IQCH: variants seen among roughly 807,000 people sequenced by gnomAD.
IQCH encodes the protein IQ motif containing H.
Under a neutral mutation model 117.0 loss-of-function variants are expected in IQCH, and 98 were observed. The observed-to-expected ratio is 0.84, with a 90% CI of 0.71 to 0.99. The LOEUF (loss-of-function observed/expected upper bound fraction) is 0.99, where lower values mean the gene tolerates loss of function less well. Among genes scored for constraint, IQCH ranks in the 50% least tolerant of loss-of-function variants. The pLI is 0.00. For missense variants in IQCH, 1,102 were observed against 1,243.8 expected (o/e 0.89, Z 1.72); for synonymous variants, 412 against 448.2 (o/e 0.92, Z 1.02).
At chr15:67,327,482 A>G (rs1968462678) in intron 4 of IQCH, among the ~76,000 whole-genome samples, 1 of 152,148 alleles carries the variant, frequency 6.6e-6, no homozygotes, top group Non-Finnish European at 1.5e-5. Context: ...GCTCATTCTG[A>G]TATCAGAGTC....
At chr15:67,486,229 A>G (rs1201119620) in intron 18 of IQCH, among the ~76,000 whole-genome samples, 1 of 149,882 alleles carries the variant, frequency 6.7e-6, no homozygotes. Flanking sequence ...TAATAGAGAC[A>G]GCATTTCACC....
chr15:67,330,364 G>T (rs1201586937), intron 4 of IQCH, among the ~76,000 whole-genome samples: 1 of 152,180 alleles, frequency 6.6e-6, no homozygotes, highest in Non-Finnish European at 1.5e-5. Context: ...GAGACTCAGA[G>T]AAGTTAAATA....
chr15:67,395,545 T>C lies in IQCH; in HGVS notation c.1887T>C (p.Asp629=), dbSNP rs1258590202. ...ANVAVPPGIY[D]IYSQQQMIEQ... is the part of the protein sequence containing the mutation. ...TGGCAGTTCCTCCTGGAATATATGA[T>C]ATTTATAGTCAGCAACAGGTATGTG... The change falls in exon 13 of 21, where the codon GAT becomes GAC. Residue 629 remains aspartate, a synonymous_variant. Coordinates refer to ENST00000335894, the MANE Select transcript of IQCH (RefSeq NM_001031715.3). The surrounding 1 kb of genome is among the most constrained non-coding windows in gnomAD (Gnocchi z 4.0). The C allele has an allele frequency of 2.5e-6, 4 of 1,613,896 alleles. 1 individual carries two copies. The South Asian group carries it at 3.3e-5, about 13-fold the overall frequency.
rs2082668739 is a variant in IQCH at position 67,456,865 on chromosome 15, C to CCA, written c.2506-8260_2506-8259dup. Among the ~76,000 whole-genome samples, 1 of 152,014 alleles carries CCA rather than the reference C, an allele frequency of 6.6e-6. No individual in the cohort carries two copies. The highest frequency in any genetic ancestry group is 1.5e-5 in the Non-Finnish European group (1 of 68,004). Reference sequence around the variant, plus strand: ...GATGGTTTGCAGCCTCTTACCCCACCCACTCCAAACACCCCATAGAAGGCA... The same window carrying CCA: ...GATGGTTTGCAGCCTCTTACCCCACCCACACTCCAAACACCCCATAGAAGGCA... On this transcript the variant is annotated intron_variant, in intron 16 of 20. Coordinates refer to ENST00000335894, the MANE Select transcript of IQCH (RefSeq NM_001031715.3). This position sits in a 1 kb window ranked among gnomAD's most constrained non-coding sequence, Gnocchi z 5.1.
intron 19 of IQCH, among the ~76,000 whole-genome samples, chr15:67,492,430 G>A (rs2083683062): frequency 6.6e-6 from 1 of 152,210 alleles, no homozygotes; most frequent in Non-Finnish European, 1.5e-5. Flanking sequence ...CGGGTGATGG[G>A]AGAAGAGCAA....
Position 67,372,456 on chromosome 15 carries a change from G to A in IQCH, c.1099G>A (p.Asp367Asn). ...NLPGQRYKGQ[D>N]GNSEAAMKIQ... Reference sequence around the variant, plus strand: ...TCCAGGGCAAAGGTACAAGGGCCAAGATGGAAATTCGGAGGCCGCCATGAA... The same window carrying A: ...TCCAGGGCAAAGGTACAAGGGCCAAAATGGAAATTCGGAGGCCGCCATGAA... Residue 367 changes from aspartate to asparagine, a missense_variant, in exon 9 of 21, where the codon GAT becomes AAT. This residue lies in a region of IQCH where 452 missense variants were observed against 449.6 expected (regional missense o/e 1.01). Transcript: ENST00000335894. 1 of 1,614,052 alleles carries A rather than the reference G, an allele frequency of 6.2e-7. No individual in the cohort carries two copies. The highest frequency in any genetic ancestry group is 8.5e-7 in the Non-Finnish European group (1 of 1,179,986).
At position 67,465,257 on chromosome 15, in the gene IQCH, AAAG is replaced by A; in HGVS notation, c.2637_2639del (p.Arg880del). 1 of 1,614,016 alleles carries A rather than the reference AAAG, an allele frequency of 6.2e-7. No individual in the cohort carries two copies. Among genetic ancestry groups the A allele is most frequent in the South Asian group, 1.1e-5 (1 of 91,076 alleles). On this transcript the variant is annotated inframe_deletion, in exon 17 of 21. Transcript: ENST00000335894. This position sits in a 1 kb window ranked among gnomAD's most constrained non-coding sequence, Gnocchi z 5.9. ...GAAGTGCCCCGCTTTGTTCCAAAGG[AAAG>A]GAAGAAAACCAAATGCATGAGTGCG...
At chr15:67,383,841 C>T (rs1256065968) in intron 10 of IQCH, among the ~76,000 whole-genome samples, 1 of 152,166 alleles carries the variant, frequency 6.6e-6, no homozygotes, top group East Asian at 1.9e-4. Flanking sequence ...CAAAGAGAGA[C>T]TTTTAGATGA....
At chr15:67,308,754 A>G (rs1967437449) in intron 4 of IQCH, among the ~76,000 whole-genome samples, 1 of 152,030 alleles carries the variant, frequency 6.6e-6, no homozygotes, top group African/African-American at 2.4e-5. Flanking sequence ...TCAATTCTGC[A>G]TTGGTTTGGA....
chr15:67,288,904 T>C (rs1567067828), intron 4 of IQCH, among the ~76,000 whole-genome samples: 1 of 152,074 alleles, frequency 6.6e-6, no homozygotes, highest in East Asian at 1.9e-4. Context: ...GCAAACTTGG[T>C]CAGGGATGCG....
intron 4 of IQCH, among the ~76,000 whole-genome samples, chr15:67,286,582 T>TTTTATTTATTTATTTA (rs56267333): frequency 7.2e-6 from 1 of 139,042 alleles, no homozygotes; most frequent in East Asian, 2.2e-4. Context: ...CATATATGGC[T>TTTTATTTATTTATTTA]TTTATTTATT....
In IQCH at chr15:67,386,031, C is replaced by G. The variant is rs1033775640; in HGVS notation, c.1456+1012C>G. On this transcript the variant is annotated intron_variant, in intron 11 of 20. Coordinates refer to ENST00000335894, the MANE Select transcript of IQCH (RefSeq NM_001031715.3). The surrounding 1 kb of genome is among the most constrained non-coding windows in gnomAD (Gnocchi z 5.0). ...ATTTACAGTGTCCTAAAATAATAAT[C>G]ATAATTGCTTTAATCTATTATCTAG... Among the ~76,000 whole-genome samples, 2 of 152,034 alleles carry G rather than the reference C, an allele frequency of 1.3e-5. No individual in the cohort carries two copies. Among genetic ancestry groups the G allele is most frequent in the African/African-American group, 4.8e-5 (2 of 41,380 alleles).
rs1444302295 is a variant in IQCH at position 67,422,732 on chromosome 15, C to G, written c.2505+1155C>G. Among the ~76,000 whole-genome samples the G allele has an allele frequency of 6.6e-6, 1 of 152,156 alleles. No individual in the cohort carries two copies. The highest frequency in any genetic ancestry group is 1.5e-5 in the Non-Finnish European group (1 of 68,026). On this transcript the variant is annotated intron_variant, in intron 16 of 20. Coordinates refer to ENST00000335894, the MANE Select transcript of IQCH (RefSeq NM_001031715.3). The surrounding 1 kb of genome is among the most constrained non-coding windows in gnomAD (Gnocchi z 4.7). ...AGGTATGGTGCTGAGATATACTATT[C>G]AGGATAAATCATCTTTAACCTTTTT...
At chr15:67,375,038 G>C (rs1340323720) in intron 10 of IQCH, among the ~76,000 whole-genome samples, 1 of 152,192 alleles carries the variant, frequency 6.6e-6, no homozygotes, top group Non-Finnish European at 1.5e-5. Flanking sequence ...CTTCCATGCA[G>C]TCTGCTCTGC....
intron 20 of IQCH, among the ~76,000 whole-genome samples, chr15:67,498,072 G>C (rs1437641409): frequency 2.0e-5 from 3 of 152,152 alleles, no homozygotes; most frequent in African/African-American, 7.2e-5. Context: ...AAAGAACGAA[G>C]TTGGAGAAGT....
rs932032160 is a variant in IQCH at position 67,490,196 on chromosome 15, C to G, written c.2861+132C>G. On this transcript the variant is annotated intron_variant, in intron 19 of 20. Transcript: ENST00000335894. The surrounding 1 kb of genome is among the most constrained non-coding windows in gnomAD (Gnocchi z 4.9). ...AGAAGTCTATCTTTATTTAGATCTTCAGGTATTTTATTTTATTCTATTTTT... is the reference window on the plus strand; with the variant it reads ...AGAAGTCTATCTTTATTTAGATCTTGAGGTATTTTATTTTATTCTATTTTT... The G allele has an allele frequency of 4.1e-6, 3 of 727,412 alleles. No individual in the cohort carries two copies. Among genetic ancestry groups the G allele is most frequent in the Non-Finnish European group, 4.7e-6 (2 of 423,758 alleles). The allele number at this position is 727,412 out of a possible 1,614,324, so 45.1% of individuals were successfully genotyped here. A position where few individuals can be genotyped will look rare whatever the true frequency, so the allele number is the denominator to read the frequency against.
At chr15:67,361,551 CTAATA>C (rs1567127133) in intron 8 of IQCH, among the ~76,000 whole-genome samples, 1 of 152,170 alleles carries the variant, frequency 6.6e-6, no homozygotes, top group Non-Finnish European at 1.5e-5. Context: ...TTCTGCCTAA[CTAATA>C]TAATTTAATC....
In IQCH at chr15:67,411,275, C is replaced by T. The variant is rs141772864; in HGVS notation, c.2098-5656C>T. Among the ~76,000 whole-genome samples the T allele has an allele frequency of 1.7e-4, 26 of 152,246 alleles. No individual in the cohort carries two copies. In the East Asian group the frequency reaches 4.5e-3, roughly 26 times the overall value. On this transcript the variant is annotated intron_variant, in intron 14 of 20. Transcript: ENST00000335894. The surrounding 1 kb of genome is among the most constrained non-coding windows in gnomAD (Gnocchi z 4.4). Reference sequence around the variant, plus strand: ...GAGGCAGCAGGGCCGGTGGGGAGCACTTACCCAGGAGTCAGAGGCAGCCAG... The same window carrying T: ...GAGGCAGCAGGGCCGGTGGGGAGCATTTACCCAGGAGTCAGAGGCAGCCAG...
At chr15:67,336,642 C>T (rs1968904219) in intron 4 of IQCH, among the ~76,000 whole-genome samples, 2 of 152,098 alleles carry the variant, frequency 1.3e-5, no homozygotes, top group African/African-American at 4.8e-5. Context: ...TTGCTGTATT[C>T]AAAACCTCCT....
Sources: gnomAD v4.1 joint callset for allele counts (sites outside exome capture counted in the v4.1 genomes callset) on GRCh38, gnomAD v4.1.1 for gene constraint, gnomAD v4.1.1 regional missense constraint, Gnocchi (gnomAD v3.1) non-coding constraint, MANE v1.5 for transcripts, NCBI Gene and HGNC (gene_info 2026-07-23, HGNC 2026-07-21) for gene names.